The following USP54 variants were observed in gnomAD, a reference collection of about 807,000 sequenced individuals.
USP54 encodes ubiquitin carboxyl-terminal hydrolase 54.
USP54 carries 87 observed loss-of-function variants against 170.5 expected under a neutral mutation model. The ratio of observed to expected loss-of-function variants is 0.51; its 90% CI spans 0.43 to 0.61. The LOEUF is 0.61. Among genes scored for constraint, USP54 ranks in the 20% least tolerant of loss-of-function variants. The pLI, the probability that USP54 is intolerant of heterozygous loss-of-function variation, is 0.00. For missense variants in USP54, 1,786 were observed against 2,047.8 expected (o/e 0.87, Z 2.47); for synonymous variants, 655 against 742.8 (o/e 0.88, Z 1.92).
intron 3 of USP54, among the ~76,000 whole-genome samples, chr10:73,572,986 A>T (rs1426443599): frequency 6.6e-6 from 1 of 152,188 alleles, no homozygotes; most frequent in African/African-American, 2.4e-5. Context: ...CAAAGTAACT[A>T]AAAAAACTAA....
intron 20 of USP54, among the ~76,000 whole-genome samples, chr10:73,516,131 T>C (rs990167726): frequency 6.6e-6 from 1 of 152,192 alleles, no homozygotes; most frequent in Admixed American, 6.5e-5. Context: ...GGCAAATACT[T>C]AGTAATCTCT....
intron 1 of USP54, among the ~76,000 whole-genome samples, chr10:73,614,420 G>T (rs1589413188): frequency 6.7e-6 from 1 of 149,594 alleles, no homozygotes; most frequent in African/African-American, 2.6e-5. Context: ...AATTAGCCAG[G>T]CGTAGTGGTA....
rs1052998730 is a variant in USP54 at position 73,504,960 on chromosome 10, A to G, written c.4201T>C (p.Cys1401Arg). 19 of 1,613,720 alleles carry G rather than the reference A, an allele frequency of 1.2e-5. No homozygotes were observed. The highest frequency in any genetic ancestry group is 2.2e-5 in the East Asian group (1 of 44,876). Residue 1401 changes from cysteine to arginine, a missense_variant, in exon 22 of 24, where the codon TGT (cysteine) becomes CGT (arginine). Transcript: ENST00000687698. ...ATPCRGLSRE[C>R]GEDEQYSAEN... ...GCACTGTACTGCTCATCCTCCCCAC[A>G]CTCCCTGCTGAGGCCTCGGCAAGGT...
Position 73,523,622 on chromosome 10 carries a change from G to A in USP54, c.2323C>T (p.Pro775Ser). Residue 775 changes from proline to serine, a missense_variant, in exon 17 of 24, where the codon CCT becomes TCT. By Grantham distance (74) the Pro-to-Ser change is moderately conservative. Around this residue, in one of 3 missense-constraint regions of USP54, gnomAD observed 1,418 missense variants for 1,569.0 expected, o/e 0.90. Transcript: ENST00000687698. ...TCATCCAAGTCCATGAAGCGGCTAG[G>A]ATGAGGGTTAAACCCTTTCGCTGCC... is the stretch of plus-strand genomic sequence containing the variant. ...LEAAKGFNPH[P>S]SRFMDLDELQ... 2 of 1,611,692 alleles carry A rather than the reference G, an allele frequency of 1.2e-6. No homozygotes were observed. Among genetic ancestry groups the A allele is most frequent in the South Asian group, 1.1e-5 (1 of 90,804 alleles).
intron 19 of USP54, chr10:73,518,792 G>A (rs1470057313): frequency 3.4e-5 from 5 of 146,896 alleles, no homozygotes; most frequent in East Asian, 2.0e-4. Context: ...GTGCCATCAC[G>A]GCTCACTGCA....
At chr10:73,598,765 T>TAAA (rs1326783973) in intron 1 of USP54, among the ~76,000 whole-genome samples, 1 of 151,986 alleles carries the variant, frequency 6.6e-6, no homozygotes, top group African/African-American at 2.4e-5. Context: ...AAAATAAAAA[T>TAAA]AAAAATTAGC....
chr10:73,558,519 C>T (rs1269210385), intron 4 of USP54, among the ~76,000 whole-genome samples: 2 of 152,014 alleles, frequency 1.3e-5, no homozygotes, highest in Non-Finnish European at 2.9e-5. Flanking sequence ...AGGCATGAAC[C>T]ACCGCACCTG....
chr10:73,614,106 G>A (rs951563404), intron 1 of USP54: 3 of 150,798 alleles, frequency 2.0e-5, no homozygotes, highest in Admixed American at 6.6e-5. Context: ...GGAGGCTAAA[G>A]TGGAAGGATC....
chr10:73,602,945 A>C (rs538132337), intron 1 of USP54, among the ~76,000 whole-genome samples: 2 of 152,212 alleles, frequency 1.3e-5, no homozygotes, highest in South Asian at 4.2e-4. Context: ...GTTATTCAAC[A>C]AACATTTCTA....
chr10:73,592,608 G>A (rs1198069361), upstream of USP54, among the ~76,000 whole-genome samples: 1 of 152,114 alleles, frequency 6.6e-6, no homozygotes, highest in African/African-American at 2.4e-5. Context: ...AATTTCTACT[G>A]ATAAGTGCTG....
At chr10:73,526,282 C>G (rs1564695471) in intron 16 of USP54, among the ~76,000 whole-genome samples, 2 of 152,170 alleles carry the variant, frequency 1.3e-5, no homozygotes, top group Non-Finnish European at 2.9e-5. Context: ...GAGTCTCACT[C>G]TGTCGCCCAG....
intron 16 of USP54, among the ~76,000 whole-genome samples, chr10:73,524,791 G>A (rs896279265): frequency 6.6e-5 from 10 of 152,120 alleles, no homozygotes; most frequent in African/African-American, 2.2e-4. Flanking sequence ...AGTCACAGGA[G>A]GATAAATAAT....
At chr10:73,565,833 T>TA (rs2073645282) in intron 4 of USP54, among the ~76,000 whole-genome samples, 1 of 152,074 alleles carries the variant, frequency 6.6e-6, no homozygotes, top group African/African-American at 2.4e-5. Flanking sequence ...TTCATAAAAA[T>TA]AAAAAACTGG....
intron 22 of USP54, among the ~76,000 whole-genome samples, chr10:73,503,521 A>G (rs1486896815): frequency 6.6e-6 from 1 of 152,224 alleles, no homozygotes; most frequent in African/African-American, 2.4e-5. Flanking sequence ...AGAATGAATC[A>G]ATGAATGATA....
intron 1 of USP54, among the ~76,000 whole-genome samples, chr10:73,621,518 T>C (rs1018913650): frequency 2.0e-5 from 3 of 146,966 alleles, no homozygotes; most frequent in African/African-American, 7.6e-5. Flanking sequence ...AAGAATGGCA[T>C]GAACCCAGGA....
intron 1 of USP54, among the ~76,000 whole-genome samples, chr10:73,578,943 T>C (rs926524284): frequency 8.6e-4 from 81 of 93,916 alleles, no homozygotes; most frequent in Non-Finnish European, 1.2e-3. Context: ...CAAAGATTCC[T>C]TTTTTTTTTT....
Position 73,575,815 on chromosome 10 carries a change from T to A in USP54, c.-35A>T. Reference sequence around the variant, plus strand: ...TTTACCACCTTCCAAATATCATCTGTGTAGTCAAGGGACTCAGGTATCCTC... The same window carrying A: ...TTTACCACCTTCCAAATATCATCTGAGTAGTCAAGGGACTCAGGTATCCTC... On this transcript the variant is annotated 5_prime_UTR_variant, in exon 2 of 24. Coordinates refer to ENST00000687698, the MANE Select transcript of USP54 (RefSeq NM_001391956.1). The A allele has an allele frequency of 1.1e-6, 1 of 875,250 alleles. No individual in the cohort carries two copies. The highest frequency in any genetic ancestry group is 2.1e-5 in the South Asian group (1 of 47,230). The allele number at this position is 875,250 out of a possible 1,614,324, so 54.2% of individuals were successfully genotyped here. A position where few individuals can be genotyped will look rare whatever the true frequency, so the allele number is the denominator to read the frequency against.
intron 4 of USP54, among the ~76,000 whole-genome samples, chr10:73,558,484 T>A (rs1232535950): frequency 2.6e-5 from 4 of 152,166 alleles, no homozygotes; most frequent in African/African-American, 9.7e-5. Flanking sequence ...TATACAATAC[T>A]ATACAAATGT....
chr10:73,498,632 C>T lies in USP54; in HGVS notation c.5052G>A (p.Trp1684Ter), dbSNP rs778017475. ...IRARVLQHSQ[W>*] The stretch of plus-strand genomic sequence containing the variant: ...CAGGAAAGGAAAGGAATAACCTTTA[C>T]CATTGACTGTGCTGCAGGACTCTAG... Residue 1684 changes from tryptophan to a stop codon, truncating the protein, a stop_gained, in exon 24 of 24, where the codon TGG becomes TGA. Coordinates refer to ENST00000687698, the MANE Select transcript of USP54 (RefSeq NM_001391956.1). LOFTEE classifies it high-confidence loss of function. The T allele has an allele frequency of 6.5e-7, 1 of 1,530,288 alleles. No individual in the cohort carries two copies. Among genetic ancestry groups the T allele is most frequent in the South Asian group, 1.3e-5 (1 of 77,464 alleles). The allele number at this position is 1,530,288 out of a possible 1,614,324, so 94.8% of individuals were successfully genotyped here. A position where few individuals can be genotyped will look rare whatever the true frequency, so the allele number is the denominator to read the frequency against.
Sources: gnomAD v4.1 joint callset for allele counts (sites outside exome capture counted in the v4.1 genomes callset) on GRCh38, gnomAD v4.1.1 for gene constraint, gnomAD v4.1.1 regional missense constraint, MANE v1.5 for transcripts, NCBI Gene and HGNC (gene_info 2026-07-23, HGNC 2026-07-21) for gene names.